Variants in GSE1 observed in about 807,000 individuals in gnomAD.
GSE1 encodes genetic suppressor element 1.
Under a neutral mutation model 112.6 loss-of-function variants are expected in GSE1, and 32 were observed. The ratio of observed to expected loss-of-function variants is 0.28; its 90% CI spans 0.21 to 0.38. The LOEUF (loss-of-function observed/expected upper bound fraction) is 0.38, where lower values mean the gene tolerates loss of function less well. Ranked by LOEUF, GSE1 falls within the 10% of genes least tolerant of loss-of-function variation. GSE1 has a pLI of 1.00. For missense variants in GSE1, 2,348 were observed against 1,699.2 expected, an observed-to-expected ratio of 1.38 and a Z score of -6.71; for synonymous variants, 1,115 against 735.6, an observed-to-expected ratio of 1.52 and a Z score of -8.35.
chr16:85,276,250 C>G (rs1471474496), intron 1 of GSE1, among the ~76,000 whole-genome samples: 1 of 152,266 alleles, frequency 6.6e-6, no homozygotes, highest in African/African-American at 2.4e-5. Context: ...GCATTGCTTT[C>G]TGAACTGTTT....
upstream of GSE1, among the ~76,000 whole-genome samples, chr16:85,553,640 C>T (rs1316098488): frequency 6.6e-6 from 1 of 152,046 alleles, no homozygotes; most frequent in Non-Finnish European, 1.5e-5. Context: ...GCCGCAGCCA[C>T]CGAGCTGCTG....
chr16:85,633,682 C>A (rs986924193), intron 1 of GSE1, among the ~76,000 whole-genome samples: 2 of 152,210 alleles, frequency 1.3e-5, no homozygotes, highest in Non-Finnish European at 2.9e-5. Flanking sequence ...CGTTCAGCAT[C>A]TGGGGTCCTG....
chr16:85,392,085 C>G (rs57231718), intron 2 of GSE1, among the ~76,000 whole-genome samples: 35 of 152,240 alleles, frequency 2.3e-4, no homozygotes, highest in African/African-American at 7.5e-4. Flanking sequence ...CCTCACCCCC[C>G]ACTCCCTCCC....
chr16:85,581,285 C>G lies in GSE1; in HGVS notation c.37+24922C>G, dbSNP rs915056521. ...TGCCCCATGCCCCCTGCCCCTTACCCACCACCCAGGAAATGAGGAAGGTTG... is the reference window on the plus strand; with the variant it reads ...TGCCCCATGCCCCCTGCCCCTTACCGACCACCCAGGAAATGAGGAAGGTTG... On this transcript the variant is annotated intron_variant, in intron 1 of 2. Transcript: ENST00000635906. Among the ~76,000 whole-genome samples, 3 of 152,176 alleles carry G rather than the reference C, an allele frequency of 2.0e-5. No homozygotes were observed. In the East Asian group the frequency reaches 5.8e-4, roughly 29 times the overall value.
chr16:85,281,313 G>C (rs16975480), intron 1 of GSE1, among the ~76,000 whole-genome samples: 1,924 of 151,998 alleles, frequency 0.013, 49 homozygotes, highest in African/African-American at 0.044. Context: ...TCTGAGAACA[G>C]CACTCTGGAT....
intron 2 of GSE1, among the ~76,000 whole-genome samples, chr16:85,417,042 G>A (rs12926630): frequency 1.2e-4 from 18 of 152,104 alleles, no homozygotes; most frequent in Non-Finnish European, 2.5e-4. Flanking sequence ...TTTTTTTGTA[G>A]AGCAGGTCTC....
chr16:85,308,708 G>A (rs986069847), intron 1 of GSE1, among the ~76,000 whole-genome samples: 1 of 151,924 alleles, frequency 6.6e-6, no homozygotes, highest in Non-Finnish European at 1.5e-5. Flanking sequence ...CTCTCGCTCT[G>A]TCAGTGGTTC....
intron 1 of GSE1, among the ~76,000 whole-genome samples, chr16:85,334,961 A>G (rs935375409): frequency 1.3e-5 from 2 of 152,202 alleles, no homozygotes; most frequent in African/African-American, 4.8e-5. Context: ...TTGATTCACC[A>G]GGCACTTCCT....
At chr16:85,488,186 G>A (rs948167908) in intron 2 of GSE1, among the ~76,000 whole-genome samples, 1 of 152,186 alleles carries the variant, frequency 6.6e-6, no homozygotes, top group African/African-American at 2.4e-5. Flanking sequence ...CCTCCCAGGG[G>A]ACATGGGCCC....
At chr16:85,328,460 C>T (rs1207189766) in intron 1 of GSE1, among the ~76,000 whole-genome samples, 1 of 152,260 alleles carries the variant, frequency 6.6e-6, no homozygotes, top group Non-Finnish European at 1.5e-5. Flanking sequence ...CTGCGGAGGC[C>T]TTCCCCCGCC....
intron 2 of GSE1, among the ~76,000 whole-genome samples, chr16:85,536,933 A>T (rs1473319328): frequency 6.6e-6 from 1 of 152,214 alleles, no homozygotes; most frequent in Non-Finnish European, 1.5e-5. Flanking sequence ...TGCATGGGAC[A>T]CATGCCCCTG....
upstream of GSE1, among the ~76,000 whole-genome samples, chr16:85,554,169 G>C (rs964257572): frequency 2.0e-5 from 3 of 152,138 alleles, no homozygotes; most frequent in African/African-American, 4.8e-5. Context: ...GAGAGGGTGG[G>C]GGGACGTGGG....
rs551896157 is a variant in GSE1 at position 85,536,972 on chromosome 16, C to T, written c.2465-96942C>T. ...TTTGGAGAAAGAGCAGGACGCCTGA[C>T]GTGGTCATTGAGCCTTCCGGCCAGC... On this transcript the variant is annotated intron_variant, in intron 2 of 2. Transcript: ENST00000637419. Among the ~76,000 whole-genome samples the T allele has an allele frequency of 3.3e-5, 5 of 152,308 alleles. No individual in the cohort carries two copies. The South Asian group carries it at 6.2e-4, about 19-fold the overall frequency.
intron 2 of GSE1, among the ~76,000 whole-genome samples, chr16:85,498,996 A>G (rs1298112041): frequency 4.6e-5 from 7 of 152,250 alleles, no homozygotes; most frequent in African/African-American, 1.7e-4. Context: ...GGAGAAGGGC[A>G]GGGCTAGGGC....
intron 2 of GSE1, among the ~76,000 whole-genome samples, chr16:85,370,556 A>T (rs931294026): frequency 1.3e-5 from 2 of 152,182 alleles, no homozygotes; most frequent in African/African-American, 4.8e-5. Flanking sequence ...CTGAAAGTGG[A>T]TACAGCAATG....
At chr16:85,506,062 C>T (rs1467938057) in intron 2 of GSE1, among the ~76,000 whole-genome samples, 1 of 152,158 alleles carries the variant, frequency 6.6e-6, no homozygotes, top group Non-Finnish European at 1.5e-5. Context: ...AGGGACTCCA[C>T]AGTGAGTCGA....
At position 85,670,991 on chromosome 16, in the gene GSE1, T is replaced by G; in HGVS notation, c.3416-4T>G. ...AAATACATCACCATCTCCTGTCTTT[T>G]CAGAGCAAAATCTGGAGCGGCAGGT... On this transcript the variant is annotated splice_region_variant and splice_polypyrimidine_tract_variant and intron_variant, in intron 14 of 15. Coordinates refer to ENST00000253458, the MANE Select transcript of GSE1 (RefSeq NM_014615.5). 1 of 1,595,792 alleles carries G rather than the reference T, an allele frequency of 6.3e-7. No homozygotes were observed. Among genetic ancestry groups the G allele is most frequent in the Non-Finnish European group, 8.6e-7 (1 of 1,163,592 alleles).
intron 2 of GSE1, among the ~76,000 whole-genome samples, chr16:85,390,704 C>A (rs1222828467): frequency 2.2e-5 from 2 of 92,426 alleles, no homozygotes; most frequent in Admixed American, 1.1e-4. Flanking sequence ...CTTGTTCTGC[C>A]CCCCCCACCC....
At chr16:85,231,131 AGGAT>A (rs58998019) in intron 1 of GSE1, among the ~76,000 whole-genome samples, 19 of 115,576 alleles carry the variant, frequency 1.6e-4, no homozygotes, top group Non-Finnish European at 2.7e-4. Context: ...GATGGATGGA[AGGAT>A]GGATGGATGG....
Sources: allele counts gnomAD v4.1 joint callset (sites outside exome capture counted in the v4.1 genomes callset), GRCh38; gene constraint gnomAD v4.1.1; transcripts MANE v1.5; gene names NCBI Gene and HGNC (gene_info 2026-07-23, HGNC 2026-07-21).